The following BTG4 variants were observed in gnomAD, a reference collection of about 807,000 sequenced individuals.
BTG4 encodes the protein BTG anti-proliferation factor 4.
BTG4 carries 10 observed loss-of-function variants against 19.3 expected under a neutral mutation model. That is an observed-to-expected ratio of 0.52 (90% CI 0.32 to 0.88). BTG4 has a LOEUF of 0.88. Among genes scored for constraint, BTG4 ranks in the 40% least tolerant of loss-of-function variants. BTG4 has a pLI of 0.04. For synonymous variants in BTG4, 91 were observed against 95.7 expected (o/e 0.95, Z 0.29); for missense variants, 238 against 281.9 (o/e 0.84, Z 1.11).
chr11:111,417,077 T>G, the BTG4 span: 4 of 152,224 alleles, frequency 2.6e-5, no homozygotes, highest in African/African-American at 9.6e-5. Context: ...CACGGGGTTT[T>G]TGCAGAGCTG....
At chr11:111,448,313 G>A in the BTG4 span, 5 of 152,456 alleles carry the variant, frequency 3.3e-5, no homozygotes, top group Non-Finnish European at 5.9e-5. Context: ...ACCTGGGCTG[G>A]GCTAGGGCTC....
intron 1 of BTG4, among the ~76,000 whole-genome samples, 163 bp downstream of exon 1, chr11:111,512,018 A>G (rs954954936): frequency 2.0e-5 from 3 of 152,182 alleles, no homozygotes; most frequent in African/African-American, 7.2e-5. Flanking sequence ...TTTGACTAGA[A>G]GGCCCAGGCT....
the BTG4 span, among the ~76,000 whole-genome samples, chr11:111,425,178 G>A: frequency 6.6e-6 from 1 of 152,186 alleles, no homozygotes; most frequent in East Asian, 1.9e-4. Context: ...GTGCAAAGGA[G>A]GAGGTAGGAA....
the BTG4 span, among the ~76,000 whole-genome samples, chr11:111,428,822 T>C: frequency 6.6e-6 from 1 of 152,174 alleles, no homozygotes; most frequent in East Asian, 1.9e-4. Context: ...TTCAGCTTCA[T>C]GGCTGCCTCA....
At chr11:111,504,944 A>C (rs901566533) in intron 1 of BTG4, among the ~76,000 whole-genome samples, 24 of 152,138 alleles carry the variant, frequency 1.6e-4, no homozygotes, top group Non-Finnish European at 4.4e-5. Context: ...GGAGAACTAC[A>C]AAACACTGAT....
the BTG4 span, among the ~76,000 whole-genome samples, chr11:111,422,653 T>C: frequency 6.6e-6 from 1 of 152,156 alleles, no homozygotes; most frequent in East Asian, 1.9e-4. Context: ...CACTCCTATA[T>C]AGAACCTTTG....
the BTG4 span, among the ~76,000 whole-genome samples, chr11:111,435,872 G>A: frequency 1.3e-5 from 2 of 152,120 alleles, no homozygotes; most frequent in Non-Finnish European, 2.9e-5. Flanking sequence ...GAGCCCAGCT[G>A]TAAGTCCAAG....
At chr11:111,456,555 C>A in the BTG4 span, 4 of 456,346 alleles carry the variant, frequency 8.8e-6, no homozygotes, top group Non-Finnish European at 1.8e-5. The surrounding 1 kb of genome is among the most constrained non-coding windows in gnomAD (Gnocchi z 4.2). Context: ...TCAGTGTGAA[C>A]CCCGTCACCA....
chr11:111,441,825 G>A, the BTG4 span, among the ~76,000 whole-genome samples: 1 of 152,314 alleles, frequency 6.6e-6, no homozygotes, highest in South Asian at 2.1e-4. Context: ...TTGAGAGGCT[G>A]AGGCAGGCAG....
At chr11:111,484,879 G>A (rs941798440) in intron 5 of BTG4, among the ~76,000 whole-genome samples, 2 of 152,054 alleles carry the variant, frequency 1.3e-5, no homozygotes, top group Admixed American at 6.6e-5. Context: ...CATGCTGCCT[G>A]CAAGAAACTC....
chr11:111,402,918 T>C, the BTG4 span, among the ~76,000 whole-genome samples: 2 of 152,168 alleles, frequency 1.3e-5, no homozygotes, highest in Non-Finnish European at 2.9e-5. Flanking sequence ...CATTTCCACA[T>C]TGAAATTTGT....
intron 5 of BTG4, among the ~76,000 whole-genome samples, chr11:111,481,434 G>T (rs143947768): frequency 6.6e-6 from 1 of 151,618 alleles, no homozygotes; most frequent in Non-Finnish European, 1.5e-5. Flanking sequence ...TCTACTTTAT[G>T]AAGTGTTTAC....
At chr11:111,471,366 A>G (rs1258624529) in intron 5 of BTG4, among the ~76,000 whole-genome samples, 2 of 152,182 alleles carry the variant, frequency 1.3e-5, no homozygotes, top group African/African-American at 4.8e-5. Flanking sequence ...TGATGTCGGT[A>G]ATCCAGACCA....
chr11:111,447,833 C>T, the BTG4 span, among the ~76,000 whole-genome samples: 6 of 152,154 alleles, frequency 3.9e-5, no homozygotes, highest in African/African-American at 1.4e-4. Flanking sequence ...GCAGAGGCTG[C>T]CCTTCCTGGG....
chr11:111,405,932 G>C, the BTG4 span, among the ~76,000 whole-genome samples: 2 of 152,174 alleles, frequency 1.3e-5, no homozygotes, highest in African/African-American at 4.8e-5. Flanking sequence ...GCTGTATAGA[G>C]ATTAGATATT....
the BTG4 span, among the ~76,000 whole-genome samples, chr11:111,452,091 C>T: frequency 3.9e-5 from 6 of 152,346 alleles, no homozygotes; most frequent in African/African-American, 1.4e-4. Context: ...CTGCACATTG[C>T]ACCACCACAC....
the BTG4 span, chr11:111,416,328 C>T: frequency 6.6e-6 from 1 of 152,130 alleles, no homozygotes; most frequent in Non-Finnish European, 1.5e-5. Flanking sequence ...CTCTCTCTCC[C>T]TCTCTCGTTT....
downstream of BTG4, among the ~76,000 whole-genome samples, chr11:111,492,425 T>G (rs1301970709): frequency 3.3e-5 from 5 of 152,314 alleles, no homozygotes; most frequent in East Asian, 9.6e-4. Context: ...CCAAACAGCT[T>G]CAGATTTTTA....
chr11:111,468,311 C>T (rs1224785023), intron 5 of BTG4, among the ~76,000 whole-genome samples: 9 of 152,236 alleles, frequency 5.9e-5, no homozygotes. Context: ...GGTGCAAGTG[C>T]CGTGTGCCAG....
Sources: allele counts gnomAD v4.1 joint callset (sites outside exome capture counted in the v4.1 genomes callset), GRCh38; gene constraint gnomAD v4.1.1; non-coding constraint Gnocchi (gnomAD v3.1); transcripts MANE v1.5; gene names NCBI Gene and HGNC (gene_info 2026-07-23, HGNC 2026-07-21).